Variants in NDUFAF2 observed in about 807,000 individuals in gnomAD.
NDUFAF2 encodes the protein NADH:ubiquinone oxidoreductase complex assembly factor 2, also known as NADH dehydrogenase [ubiquinone] 1 alpha subcomplex assembly factor 2.
Under a neutral mutation model 22.8 loss-of-function variants are expected in NDUFAF2, and 13 were observed. That is an observed-to-expected ratio of 0.57 (90% confidence interval 0.37 to 0.91). NDUFAF2 has a LOEUF of 0.91. Ranked by LOEUF, NDUFAF2 falls within the 40% of genes least tolerant of loss-of-function variation. The pLI, the probability that NDUFAF2 is intolerant of heterozygous loss-of-function variation, is 0.01. For synonymous variants in NDUFAF2, 53 were observed against 64.2 expected (o/e 0.83, Z 0.84); for missense variants, 162 against 195.2 (o/e 0.83, Z 1.01).
intron 1 of NDUFAF2, among the ~76,000 whole-genome samples, chr5:60,949,301 C>A (rs995597761): frequency 1.6e-4 from 25 of 152,158 alleles, no homozygotes; most frequent in African/African-American, 4.8e-4. Flanking sequence ...TATACTTATA[C>A]CATATGTAAC....
chr5:61,123,407 C>A (rs1331493042), intron 3 of NDUFAF2, among the ~76,000 whole-genome samples: 1 of 152,108 alleles, frequency 6.6e-6, no homozygotes, highest in Non-Finnish European at 1.5e-5. Flanking sequence ...GGCTATAAAC[C>A]TGTACAGCAT....
chr5:61,125,975 A>G (rs990713304), intron 3 of NDUFAF2, among the ~76,000 whole-genome samples: 2 of 152,072 alleles, frequency 1.3e-5, no homozygotes, highest in African/African-American at 4.8e-5. Flanking sequence ...AAATTCAATT[A>G]TACAGAAAGA....
At chr5:60,971,458 T>C (rs1219634526) in intron 1 of NDUFAF2, among the ~76,000 whole-genome samples, 2 of 151,636 alleles carry the variant, frequency 1.3e-5, no homozygotes, top group Non-Finnish European at 2.9e-5. Context: ...GGCTAATTTT[T>C]TTGTATTTTT....
chr5:61,099,849 G>A (rs1752685726), intron 3 of NDUFAF2, among the ~76,000 whole-genome samples: 1 of 152,038 alleles, frequency 6.6e-6, no homozygotes, highest in South Asian at 2.1e-4. Flanking sequence ...TACAAGCCCT[G>A]ATGACAACAT....
chr5:60,985,689 A>G (rs1385097401), intron 1 of NDUFAF2, among the ~76,000 whole-genome samples: 1 of 152,132 alleles, frequency 6.6e-6, no homozygotes, highest in Non-Finnish European at 1.5e-5. Flanking sequence ...TTCAGTTTCC[A>G]TGTAGTTGAG....
At chr5:61,107,812 C>G (rs1041444027) in intron 3 of NDUFAF2, among the ~76,000 whole-genome samples, 23 of 116,672 alleles carry the variant, frequency 2.0e-4, no homozygotes, top group Non-Finnish European at 3.7e-4. Context: ...GCTATCCCTC[C>G]CCCCTCCCCC....
intron 2 of NDUFAF2, among the ~76,000 whole-genome samples, chr5:61,085,132 A>T (rs1752491285): frequency 6.6e-6 from 1 of 152,208 alleles, no homozygotes; most frequent in Non-Finnish European, 1.5e-5. Context: ...CTACATAAAC[A>T]TAGATGTAGA....
At chr5:61,122,883 T>C (rs975302685) in intron 3 of NDUFAF2, among the ~76,000 whole-genome samples, 2 of 152,176 alleles carry the variant, frequency 1.3e-5, no homozygotes, top group African/African-American at 4.8e-5. Flanking sequence ...TATATTTTGC[T>C]TTCTTCTCTG....
chr5:61,042,935 G>A (rs1462635901), intron 1 of NDUFAF2, among the ~76,000 whole-genome samples: 1 of 152,136 alleles, frequency 6.6e-6, no homozygotes, highest in Non-Finnish European at 1.5e-5. Context: ...AAGATCAGTG[G>A]TTGGCTGGGT....
chr5:61,035,726 C>T (rs1354212365), intron 1 of NDUFAF2, among the ~76,000 whole-genome samples: 9 of 151,740 alleles, frequency 5.9e-5, no homozygotes, highest in Non-Finnish European at 1.3e-4. Flanking sequence ...TTAGACTTAC[C>T]GAATGCTAAA....
At chr5:61,015,905 T>TGGA (rs1751500616) in intron 1 of NDUFAF2, among the ~76,000 whole-genome samples, 1 of 152,074 alleles carries the variant, frequency 6.6e-6, no homozygotes, top group African/African-American at 2.4e-5. Context: ...AAAAGACTTA[T>TGGA]GGCTGGGTGC....
At chr5:60,993,486 A>G (rs1751187401) in intron 1 of NDUFAF2, among the ~76,000 whole-genome samples, 1 of 152,190 alleles carries the variant, frequency 6.6e-6, no homozygotes, top group Non-Finnish European at 1.5e-5. Flanking sequence ...TATGTGGACA[A>G]GTGGAGGGTG....
chr5:61,101,338 C>A (rs976032678), intron 3 of NDUFAF2, among the ~76,000 whole-genome samples: 23 of 152,084 alleles, frequency 1.5e-4, no homozygotes, highest in Non-Finnish European at 2.9e-5. Flanking sequence ...TTATAGTAAT[C>A]ATTTCCTCTC....
chr5:61,007,341 C>A (rs1184528675), intron 1 of NDUFAF2, among the ~76,000 whole-genome samples: 1 of 151,932 alleles, frequency 6.6e-6, no homozygotes, highest in Non-Finnish European at 1.5e-5. Context: ...ATATGGCTAG[C>A]CAGTTTTCCC....
At chr5:61,028,906 CATCT>C (rs1751689534) in intron 1 of NDUFAF2, among the ~76,000 whole-genome samples, 2 of 151,918 alleles carry the variant, frequency 1.3e-5, no homozygotes, top group Non-Finnish European at 2.9e-5. Flanking sequence ...GTTTTTAATC[CATCT>C]GTCATCTATC....
At chr5:61,077,957 C>T (rs1183656463) in intron 2 of NDUFAF2, among the ~76,000 whole-genome samples, 2 of 152,112 alleles carry the variant, frequency 1.3e-5, no homozygotes, top group African/African-American at 4.8e-5. Flanking sequence ...TATCTGCTTC[C>T]AATTTTTTAC....
At chr5:61,144,976 T>C (rs977285216) in intron 3 of NDUFAF2, among the ~76,000 whole-genome samples, 1 of 152,200 alleles carries the variant, frequency 6.6e-6, no homozygotes, top group Non-Finnish European at 1.5e-5. Context: ...GGAAAGTTAA[T>C]GTATAGTAGG....
At chr5:60,986,022 G>A (rs938513331) in intron 1 of NDUFAF2, among the ~76,000 whole-genome samples, 1 of 152,186 alleles carries the variant, frequency 6.6e-6, no homozygotes, top group African/African-American at 2.4e-5. Flanking sequence ...TGAAGAAAAG[G>A]GACCCCATGT....
At chr5:60,998,276 T>C (rs1751253158) in intron 1 of NDUFAF2, among the ~76,000 whole-genome samples, 1 of 152,168 alleles carries the variant, frequency 6.6e-6, no homozygotes, top group Non-Finnish European at 1.5e-5. Context: ...AAAAATTTAA[T>C]GATTACTTTC....
Sources: allele counts gnomAD v4.1 joint callset (sites outside exome capture counted in the v4.1 genomes callset), GRCh38; gene constraint gnomAD v4.1.1; transcripts MANE v1.5; gene names NCBI Gene and HGNC (gene_info 2026-07-23, HGNC 2026-07-21).